SPEN: variants seen among roughly 807,000 people sequenced by gnomAD.
The protein encoded by SPEN is spen family transcriptional repressor.
A neutral mutation model predicts 269.9 loss-of-function variants in SPEN; 18 were observed. The observed-to-expected ratio is 0.07, with a 90% CI of 0.05 to 0.10. The LOEUF (loss-of-function observed/expected upper bound fraction) is 0.10, where lower values mean the gene tolerates loss of function less well. Ranked by LOEUF, SPEN falls within the 10% of genes least tolerant of loss-of-function variation. The pLI is 1.00. For missense variants in SPEN, 3,822 were observed against 4,631.2 expected (o/e 0.83, Z 5.07); for synonymous variants, 1,726 against 1,765.7 (o/e 0.98, Z 0.56).
At position 15,938,636 on chromosome 1, in the gene SPEN, G is replaced by C. The variant is rs2071304492; in HGVS notation, c.10705-82G>C. On this transcript the variant is annotated intron_variant, in intron 13 of 14. Transcript: ENST00000375759. Reference sequence around the variant, plus strand: ...AGTCATCTCAGAGGTGGGGGTTTTTGTGGACCTGATACTGTGGGTTGGATG... The same window carrying C: ...AGTCATCTCAGAGGTGGGGGTTTTTCTGGACCTGATACTGTGGGTTGGATG... 5.3e-5 allele frequency: 57 copies of C among 1,075,624 alleles called. No homozygotes were observed. In the South Asian group the frequency reaches 8.0e-4, roughly 15 times the overall value. 66.6% of individuals were successfully genotyped at this position (1,075,624 alleles called of 1,614,324 possible). A position where few individuals can be genotyped will look rare whatever the true frequency, so the allele number is the denominator to read the frequency against.
chr1:15,930,665 A>G lies in SPEN; in HGVS notation c.4425A>G (p.Arg1475=). ...LDWDSRFANF[R]NNKDKEKVDS... is the part of the protein sequence containing the mutation. ...GGGACTCCCGATTTGCAAATTTTCG[A>G]AACAACAAAGATAAAGAAAAGGTTG... The change falls in exon 11 of 15, where the codon CGA becomes CGG. Residue 1475 remains arginine (R), a synonymous_variant. Coordinates refer to ENST00000375759, the MANE Select transcript of SPEN (RefSeq NM_015001.3). This position sits in a 1 kb window ranked among gnomAD's most constrained non-coding sequence, Gnocchi z 5.3. The G allele has an allele frequency of 6.2e-7, 1 of 1,614,214 alleles. No homozygotes were observed. Among genetic ancestry groups the G allele is most frequent in the Non-Finnish European group, 8.5e-7 (1 of 1,180,032 alleles).
chr1:15,937,591 T>G lies in SPEN; in HGVS notation c.10455T>G (p.Asp3485Glu). 6.2e-7 allele frequency: 1 copy of G among 1,614,126 alleles called. No homozygotes were observed. Among genetic ancestry groups the G allele is most frequent in the Non-Finnish European group, 8.5e-7 (1 of 1,180,020 alleles). Residue 3485 changes from aspartate (D) to glutamate (E), a missense_variant, in exon 12 of 15, where the codon GAT becomes GAG. Asp to Glu is a conservative substitution (Grantham distance 45). This residue lies in a region of SPEN where 359 missense variants were observed against 377.3 expected (regional missense o/e 0.95). Transcript: ENST00000375759. The surrounding 1 kb of genome is among the most constrained non-coding windows in gnomAD (Gnocchi z 5.7). ...AATTCCAGCCAGCCCCCAAACAAGA[T>G]TCCTCTCCACACCTGACTTCCCAGA... Reference protein sequence around the residue: ...HTEFQPAPKQDSSPHLTSQRP... With the variant: ...HTEFQPAPKQESSPHLTSQRP...
At chr1:15,860,663 C>T (rs1362580345) in intron 1 of SPEN, among the ~76,000 whole-genome samples, 1 of 151,142 alleles carries the variant, frequency 6.6e-6, no homozygotes, top group Non-Finnish European at 1.5e-5. Flanking sequence ...AGTGCAGTGG[C>T]ACAATCTTGG....
intron 3 of SPEN, among the ~76,000 whole-genome samples, chr1:15,883,312 T>C (rs908511304): frequency 6.6e-6 from 1 of 152,190 alleles, no homozygotes; most frequent in Middle Eastern, 3.2e-3. Context: ...GGAAAGCATA[T>C]AGAAGAACTT....
intron 6 of SPEN, among the ~76,000 whole-genome samples, chr1:15,918,448 A>G (rs997999844): frequency 1.3e-5 from 2 of 152,134 alleles, no homozygotes; most frequent in African/African-American, 4.8e-5. Context: ...CGAACTCCTG[A>G]CCTCAAGTGA....
Position 15,872,858 on chromosome 1 carries a change from A to G in SPEN, c.126A>G (p.Gly42=). 1 of 1,544,410 alleles carries G rather than the reference A, an allele frequency of 6.5e-7. No homozygotes were observed. The highest frequency in any genetic ancestry group is 8.8e-7 in the Non-Finnish European group (1 of 1,135,108). The stretch of plus-strand genomic sequence containing the variant: ...GTGTCAAAATTCTTCCCAAGAGGGG[A>G]TCTGAAGGAGGAGTGGCTGCCTTTG... ...VESVKILPKR[G]SEGGVAAFVD... Residue 42 remains glycine (G), a synonymous_variant, in exon 2 of 15, where the codon GGA becomes GGG. Transcript: ENST00000375759.
rs1051260910 is a variant in SPEN at position 15,934,359 on chromosome 1, C to T, written c.8119C>T (p.Leu2707Phe). Residue 2707 changes from leucine (L) to phenylalanine (F), a missense_variant, in exon 11 of 15, where the codon CTC (leucine) becomes TTC (phenylalanine). Transcript: ENST00000375759. This position sits in a 1 kb window ranked among gnomAD's most constrained non-coding sequence, Gnocchi z 9.2. ...TGTTCTTACGGGGCCAGTGAATGTT[C>T]TCACCACTCCAGTGAACGCCACGGT... ...VNVLTGPVNV[L>F]TTPVNATVGT... The T allele has an allele frequency of 6.2e-6, 10 of 1,613,482 alleles. No homozygotes were observed. The Admixed American group carries it at 1.0e-4, about 16-fold the overall frequency.
chr1:15,901,354 A>T (rs908326945), intron 3 of SPEN, among the ~76,000 whole-genome samples: 5 of 151,654 alleles, frequency 3.3e-5, no homozygotes, highest in East Asian at 1.9e-4. Context: ...AAAATAAAAA[A>T]AAAATAGGCT....
intron 3 of SPEN, among the ~76,000 whole-genome samples, chr1:15,905,021 T>A (rs1025935663): frequency 6.6e-6 from 1 of 151,048 alleles, no homozygotes; most frequent in East Asian, 2.0e-4. Flanking sequence ...CCGGAGTAGC[T>A]GGGATTACAC....
intron 3 of SPEN, among the ~76,000 whole-genome samples, chr1:15,881,449 C>G (rs954396248): frequency 3.9e-5 from 6 of 152,170 alleles, no homozygotes; most frequent in African/African-American, 1.2e-4. Context: ...TATTAAGAAT[C>G]AGATTATCCT....
At chr1:15,853,778 C>T (rs917629549) in intron 1 of SPEN, among the ~76,000 whole-genome samples, 14 of 151,858 alleles carry the variant, frequency 9.2e-5, no homozygotes, top group Admixed American at 5.3e-4. Flanking sequence ...AAGTGATTCT[C>T]CCGCTTTAGC....
chr1:15,883,491 G>A (rs1017762065), intron 3 of SPEN, among the ~76,000 whole-genome samples: 2 of 151,484 alleles, frequency 1.3e-5, no homozygotes, highest in Non-Finnish European at 2.9e-5. Context: ...GTGTGATCTC[G>A]CCTCACTGCA....
intron 3 of SPEN, among the ~76,000 whole-genome samples, chr1:15,897,845 T>G (rs6678024): frequency 0.24 from 36,915 of 152,142 alleles, 5,264 homozygotes; most frequent in South Asian, 0.43. Context: ...CTTAATACTA[T>G]CCTAAATTTA....
chr1:15,866,296 C>A (rs2148707817), intron 1 of SPEN, among the ~76,000 whole-genome samples: 1 of 152,092 alleles, frequency 6.6e-6, no homozygotes, highest in East Asian at 1.9e-4. Flanking sequence ...TTATTTGTTA[C>A]TAAATATTTG....
In SPEN at chr1:15,873,122, G is replaced by A. The variant is rs2070598691; in HGVS notation, c.390G>A (p.Glu130=). Residue 130 remains glutamate, a synonymous_variant, in exon 2 of 15, where the codon GAG becomes GAA. Transcript: ENST00000375759. ...PSLHAREGRY[E]RRLDGASDNR... ...TTCATGCACGAGAAGGACGTTATGA[G>A]CGGAGACTTGATGGGTAAGTTCCAA... 1 of 1,610,600 alleles carries A rather than the reference G, an allele frequency of 6.2e-7. No individual in the cohort carries two copies. The highest frequency in any genetic ancestry group is 8.5e-7 in the Non-Finnish European group (1 of 1,177,292).
chr1:15,865,420 G>GTTTTTTTTTTTTT (rs35623952), intron 1 of SPEN, among the ~76,000 whole-genome samples: 1 of 116,086 alleles, frequency 8.6e-6, no homozygotes. Context: ...GTATATGCCT[G>GTTTTTTTTTTTTT]TTTTTTTTTT....
chr1:15,928,239 GACT>G lies in SPEN; in HGVS notation c.2004_2006del (p.Tyr669del). The G allele has an allele frequency of 1.2e-6, 2 of 1,614,148 alleles. No individual in the cohort carries two copies. Among genetic ancestry groups the G allele is most frequent in the Non-Finnish European group, 1.7e-6 (2 of 1,180,036 alleles). On this transcript the variant is annotated inframe_deletion, in exon 11 of 15. Transcript: ENST00000375759. This position sits in a 1 kb window ranked among gnomAD's most constrained non-coding sequence, Gnocchi z 5.7. Reference sequence around the variant, plus strand: ...TTCAGAATGGGAAACTTACCAAGGAGACTACTATGAATCACGATACTACGATGA... The same window carrying G: ...TTCAGAATGGGAAACTTACCAAGGAGACTATGAATCACGATACTACGATGA...
chr1:15,866,952 ATTTT>A (rs1288096175), intron 1 of SPEN, among the ~76,000 whole-genome samples: 6 of 152,172 alleles, frequency 3.9e-5, no homozygotes, highest in Admixed American at 6.6e-5. Context: ...AGGGACAGGT[ATTTT>A]TTGTATTTTT....
In SPEN at chr1:15,848,220, C is replaced by T. The variant is rs571106313; in HGVS notation, c.83+70C>T. The T allele has an allele frequency of 4.4e-5, 52 of 1,176,172 alleles. 1 individual carries two copies. The allele number at this position is 1,176,172 out of a possible 1,614,324, so 72.9% of individuals were successfully genotyped here. ...GCTTCCCGCCCCGGCCCGTTGCCGGCCCCTCCCGGAGCGCGGAGCTGGTGA... is the reference window on the plus strand; with the variant it reads ...GCTTCCCGCCCCGGCCCGTTGCCGGTCCCTCCCGGAGCGCGGAGCTGGTGA... On this transcript the variant is annotated intron_variant, in intron 1 of 14. Transcript: ENST00000375759. This position sits in a 1 kb window ranked among gnomAD's most constrained non-coding sequence, Gnocchi z 5.1.
Sources: gnomAD v4.1 joint callset for allele counts (sites outside exome capture counted in the v4.1 genomes callset) on GRCh38, gnomAD v4.1.1 for gene constraint, gnomAD v4.1.1 regional missense constraint, Gnocchi (gnomAD v3.1) non-coding constraint, MANE v1.5 for transcripts, NCBI Gene and HGNC (gene_info 2026-07-23, HGNC 2026-07-21) for gene names.